Variants in TTC28 observed in about 807,000 individuals in gnomAD.
TTC28 encodes the protein tetratricopeptide repeat protein 28.
In TTC28, 61 loss-of-function variants were observed where a neutral mutation model predicts 198.0. The ratio of observed to expected loss-of-function variants is 0.31; its 90% CI spans 0.25 to 0.38. TTC28 has a LOEUF of 0.38. TTC28 is among the 10% of genes least tolerant of loss of function. The pLI is 1.00. For synonymous variants in TTC28, 1,171 were observed against 1,297.8 expected, an observed-to-expected ratio of 0.90 and a Z score of 2.10; for missense variants, 2,678 against 3,164.0, an observed-to-expected ratio of 0.85 and a Z score of 3.69.
chr22:28,024,264 G>A (rs1938730835), intron 13 of TTC28, among the ~76,000 whole-genome samples: 1 of 152,162 alleles, frequency 6.6e-6, no homozygotes, highest in Non-Finnish European at 1.5e-5. Context: ...TCCAGTAGGG[G>A]CAATCCAAGA....
chr22:28,243,393 G>T (rs1341745832), intron 5 of TTC28, among the ~76,000 whole-genome samples: 1 of 149,978 alleles, frequency 6.7e-6, no homozygotes, highest in Non-Finnish European at 1.5e-5. Context: ...AAAAAACCTG[G>T]AGTTTTCATA....
rs151313975 is a variant in TTC28 at position 28,084,798 on chromosome 22, A to G, written c.3932+9282T>C. On this transcript the variant is annotated intron_variant, in intron 12 of 22. Coordinates refer to ENST00000397906, the MANE Select transcript of TTC28 (RefSeq NM_001145418.2). The stretch of plus-strand genomic sequence containing the variant: ...GACGAATGGATAACTAGAATAATCA[A>G]TGCAGAGAAGTCCTCAAAGGACCTG... 2.2e-3 allele frequency among the ~76,000 whole-genome samples: 331 copies of G among 152,324 alleles called. 3 individuals carry two copies. Among genetic ancestry groups the G allele is most frequent in the African/African-American group, 7.7e-3 (321 of 41,576 alleles).
intron 5 of TTC28, among the ~76,000 whole-genome samples, chr22:28,244,747 CT>C (rs1929957156): frequency 6.6e-6 from 1 of 152,164 alleles, no homozygotes; most frequent in Non-Finnish European, 1.5e-5. Flanking sequence ...TCTAAATTTT[CT>C]TGCTCATGTT....
intron 2 of TTC28, among the ~76,000 whole-genome samples, chr22:28,600,015 T>C (rs1448055308): frequency 2.0e-5 from 3 of 152,212 alleles, no homozygotes; most frequent in African/African-American, 2.4e-5. Flanking sequence ...CACTTAACAG[T>C]TTGATCAGCC....
chr22:28,626,146 CAT>C (rs1305675931), intron 2 of TTC28, among the ~76,000 whole-genome samples: 1 of 151,966 alleles, frequency 6.6e-6, no homozygotes. Flanking sequence ...AAAGAAGAAA[CAT>C]AAAGATAAAT....
chr22:28,653,387 C>CA (rs1601667339), intron 1 of TTC28, among the ~76,000 whole-genome samples: 1 of 151,984 alleles, frequency 6.6e-6, no homozygotes, highest in East Asian at 1.9e-4. Flanking sequence ...TCCGTAGTCC[C>CA]AGCTACTCAC....
intron 5 of TTC28, among the ~76,000 whole-genome samples, chr22:28,288,829 C>G (rs2044736200): frequency 6.8e-6 from 1 of 146,234 alleles, no homozygotes; most frequent in South Asian, 2.2e-4. Context: ...AAAAAAAAAG[C>G]TATATAATTT....
intron 2 of TTC28, among the ~76,000 whole-genome samples, chr22:28,545,622 T>G (rs2049524406): frequency 1.3e-5 from 2 of 151,970 alleles, no homozygotes. Flanking sequence ...ACAGGTGAAT[T>G]TAGCAAAGTC....
chr22:28,545,446 G>A (rs1306836553), intron 2 of TTC28, among the ~76,000 whole-genome samples: 1 of 152,146 alleles, frequency 6.6e-6, no homozygotes, highest in East Asian at 1.9e-4. Flanking sequence ...AGGCATAGTG[G>A]CATGCACCTA....
intron 2 of TTC28, among the ~76,000 whole-genome samples, chr22:28,562,948 C>A (rs914174928): frequency 6.6e-6 from 1 of 152,078 alleles, no homozygotes; most frequent in Non-Finnish European, 1.5e-5. Flanking sequence ...CATAGCAAAA[C>A]CCTGTCTCTA....
At chr22:28,294,629 C>T (rs912207616) in intron 5 of TTC28, among the ~76,000 whole-genome samples, 5 of 151,580 alleles carry the variant, frequency 3.3e-5, no homozygotes, top group African/African-American at 7.3e-5. Flanking sequence ...ACTTCAGTGG[C>T]GCAATCTCAG....
At chr22:28,556,184 C>T (rs1159518660) in intron 2 of TTC28, among the ~76,000 whole-genome samples, 1 of 152,046 alleles carries the variant, frequency 6.6e-6, no homozygotes, top group Non-Finnish European at 1.5e-5. Flanking sequence ...CATAGTAAAA[C>T]CCCGTCTCTA....
chr22:28,357,056 C>A (rs570961937), intron 2 of TTC28, among the ~76,000 whole-genome samples: 1 of 152,198 alleles, frequency 6.6e-6, no homozygotes, highest in Non-Finnish European at 1.5e-5. Flanking sequence ...TTTAGTCTCA[C>A]AATAAATCTA....
chr22:28,586,057 A>C (rs1309940426), intron 2 of TTC28, among the ~76,000 whole-genome samples: 1 of 151,886 alleles, frequency 6.6e-6, no homozygotes, highest in Admixed American at 6.6e-5. Context: ...GAGGCGGTCA[A>C]ATCACGAGGT....
At chr22:28,088,975 C>T (rs1399641828) in intron 12 of TTC28, among the ~76,000 whole-genome samples, 1 of 152,182 alleles carries the variant, frequency 6.6e-6, no homozygotes, top group East Asian at 1.9e-4. Flanking sequence ...TACCATCTCA[C>T]ACCAGTTAGA....
intron 2 of TTC28, among the ~76,000 whole-genome samples, chr22:28,337,146 G>A (rs1336494314): frequency 2.0e-5 from 3 of 152,050 alleles, no homozygotes; most frequent in Non-Finnish European, 4.4e-5. Context: ...GTAGTTGCGC[G>A]GTTTTCAGTG....
At chr22:28,526,741 T>C (rs1314396504) in intron 2 of TTC28, among the ~76,000 whole-genome samples, 2 of 152,004 alleles carry the variant, frequency 1.3e-5, no homozygotes, top group African/African-American at 4.8e-5. Flanking sequence ...ATCTGTTTTT[T>C]TGTTTGTTTG....
intron 2 of TTC28, among the ~76,000 whole-genome samples, chr22:28,593,954 G>A (rs2050488585): frequency 6.6e-6 from 1 of 152,076 alleles, no homozygotes; most frequent in Non-Finnish European, 1.5e-5. Context: ...ATCAGCTATA[G>A]AGCTATGGTC....
At chr22:28,660,020 C>T (rs1180819909) in intron 1 of TTC28, among the ~76,000 whole-genome samples, 2 of 152,028 alleles carry the variant, frequency 1.3e-5, no homozygotes, top group Non-Finnish European at 2.9e-5. Context: ...ACCTTGAACT[C>T]CTGGGCTCAG....
Sources: allele counts gnomAD v4.1 joint callset (sites outside exome capture counted in the v4.1 genomes callset), GRCh38; gene constraint gnomAD v4.1.1; transcripts MANE v1.5; gene names NCBI Gene and HGNC (gene_info 2026-07-23, HGNC 2026-07-21).